The following EYS variants were observed in gnomAD, a reference collection of about 807,000 sequenced individuals.
EYS encodes protein eyes shut homolog.
Under a neutral mutation model 282.1 loss-of-function variants are expected in EYS, and 250 were observed. The ratio of observed to expected loss-of-function variants is 0.89; its 90% CI spans 0.80 to 0.98. The LOEUF (loss-of-function observed/expected upper bound fraction) is 0.98, where lower values mean the gene tolerates loss of function less well. Ranked by LOEUF, EYS falls within the 50% of genes least tolerant of loss-of-function variation. EYS has a pLI of 0.00. For missense variants in EYS, 4,016 were observed against 3,709.0 expected (o/e 1.08, Z -2.15); for synonymous variants, 1,355 against 1,282.9 (o/e 1.06, Z -1.20).
chr6:64,600,002 T>C (rs1206923930), intron 24 of EYS, among the ~76,000 whole-genome samples: 2 of 152,146 alleles, frequency 1.3e-5, no homozygotes, highest in Non-Finnish European at 2.9e-5. Context: ...TACAATCCAG[T>C]GGACTGTTAG....
At chr6:64,966,518 C>G (rs1770100623) in intron 14 of EYS, among the ~76,000 whole-genome samples, 1 of 152,096 alleles carries the variant, frequency 6.6e-6, no homozygotes. Flanking sequence ...AGGACGAAAA[C>G]AGGTTAGGTG....
At chr6:63,958,823 A>C (rs1029576289) in intron 35 of EYS, among the ~76,000 whole-genome samples, 1 of 152,198 alleles carries the variant, frequency 6.6e-6, no homozygotes, top group Admixed American at 6.5e-5. Context: ...GGATCTCTAC[A>C]GCATGGTTTA....
chr6:64,000,536 G>A (rs1264487908), intron 33 of EYS, among the ~76,000 whole-genome samples: 1 of 151,718 alleles, frequency 6.6e-6, no homozygotes, highest in East Asian at 1.9e-4. Flanking sequence ...GTTCCTGGAA[G>A]ACCTGGAGAA....
chr6:64,771,814 G>C lies in EYS; in HGVS notation c.3443+41564C>G, dbSNP rs943139085. On this transcript the variant is annotated intron_variant, in intron 22 of 42. Coordinates refer to ENST00000503581, the MANE Select transcript of EYS (RefSeq NM_001142800.2). ...GAGTTTATTCATGTCTCAAAAGAAGGCTCCCTTTTTGTCTGCTGTATGCAA... is the reference window on the plus strand; with the variant it reads ...GAGTTTATTCATGTCTCAAAAGAAGCCTCCCTTTTTGTCTGCTGTATGCAA... 3.3e-5 allele frequency among the ~76,000 whole-genome samples: 5 copies of C among 151,814 alleles called. No individual in the cohort carries two copies. The South Asian group carries it at 8.3e-4, about 25-fold the overall frequency.
Position 64,147,927 on chromosome 6 carries a change from G to GGT in EYS, c.6425-65926_6425-65925insAC, listed in dbSNP as rs1450439254. The stretch of plus-strand genomic sequence containing the variant: ...AATAAACTTTTGTTTTGTCAAGCCA[G>GGT]TGAGACTTTGGGGTTGCCTGATACC... On this transcript the variant is annotated intron_variant, in intron 31 of 42. Coordinates refer to ENST00000503581, the MANE Select transcript of EYS (RefSeq NM_001142800.2). 3.3e-3 allele frequency among the ~76,000 whole-genome samples: 510 copies of GGT among 152,288 alleles called. 2 individuals carry two copies. The highest frequency in any genetic ancestry group is 4.4e-3 in the Non-Finnish European group (299 of 68,018).
At chr6:64,704,434 A>C (rs1770903078) in intron 22 of EYS, among the ~76,000 whole-genome samples, 1 of 136,870 alleles carries the variant, frequency 7.3e-6, no homozygotes, top group African/African-American at 2.7e-5. Context: ...TATTTCTATA[A>C]TATAATCTAT....
At chr6:63,963,390 C>G (rs569872069) in intron 35 of EYS, among the ~76,000 whole-genome samples, 1 of 152,150 alleles carries the variant, frequency 6.6e-6, no homozygotes, top group East Asian at 1.9e-4. Context: ...TGCATAAATA[C>G]TGTATACAAG....
intron 30 of EYS, among the ~76,000 whole-genome samples, chr6:64,296,968 G>C (rs889312540): frequency 1.3e-5 from 2 of 152,122 alleles, no homozygotes; most frequent in Admixed American, 1.3e-4. Context: ...CAACCTTCCA[G>C]GTGAAGGCTT....
chr6:64,235,735 A>T (rs1051044133), intron 30 of EYS, among the ~76,000 whole-genome samples: 3 of 152,154 alleles, frequency 2.0e-5, no homozygotes, highest in Non-Finnish European at 2.9e-5. Context: ...ATTTCTCCAT[A>T]TCCTCTCCAG....
intron 30 of EYS, among the ~76,000 whole-genome samples, chr6:64,287,643 A>C (rs1403083223): frequency 1.1e-5 from 1 of 87,550 alleles, no homozygotes; most frequent in Non-Finnish European, 2.6e-5. Context: ...TATGGCCACC[A>C]GCAGTGAGTA....
At chr6:65,593,715 TCTCC>T (rs1765309911) in intron 2 of EYS, among the ~76,000 whole-genome samples, 1 of 151,974 alleles carries the variant, frequency 6.6e-6, no homozygotes, top group Admixed American at 6.6e-5. Context: ...ATTTTTTTAT[TCTCC>T]CCATATACCT....
chr6:64,584,251 C>T (rs1766159951), intron 26 of EYS, among the ~76,000 whole-genome samples: 2 of 151,834 alleles, frequency 1.3e-5, no homozygotes, highest in Non-Finnish European at 2.9e-5. Flanking sequence ...AATTAGGTTG[C>T]ATATGTGTGG....
intron 12 of EYS, among the ~76,000 whole-genome samples, chr6:65,075,909 A>C (rs767292022): frequency 7.9e-5 from 12 of 151,926 alleles, no homozygotes; most frequent in Non-Finnish European, 1.5e-4. Context: ...CTCACACCTC[A>C]ATTTTTCCAG....
chr6:65,014,768 A>G (rs942353762), intron 13 of EYS, among the ~76,000 whole-genome samples: 3 of 152,194 alleles, frequency 2.0e-5, no homozygotes, highest in Admixed American at 1.3e-4. Flanking sequence ...CACTCCCTTC[A>G]CTACCTCCCT....
chr6:65,238,928 A>G (rs990114879), intron 12 of EYS, among the ~76,000 whole-genome samples: 1 of 152,088 alleles, frequency 6.6e-6, no homozygotes, highest in Non-Finnish European at 1.5e-5. Context: ...TTACAATCAT[A>G]TTAATATGCT....
rs541824356 is a variant in EYS, at chr6:64,600,317, T to C, written c.3685-7008A>G. On this transcript the variant is annotated intron_variant, in intron 24 of 42. Transcript: ENST00000503581. ...GATTCTGTGTTCTATAAAAGATACA[T>C]AGGATATTTCTCTATGTGGTTATCT... 2.6e-5 allele frequency among the ~76,000 whole-genome samples: 4 copies of C among 152,222 alleles called. No homozygotes were observed. In the East Asian group the frequency reaches 7.7e-4, roughly 29 times the overall value.
intron 31 of EYS, among the ~76,000 whole-genome samples, chr6:64,140,283 C>T (rs1444749976): frequency 1.3e-5 from 2 of 152,012 alleles, no homozygotes; most frequent in Non-Finnish European, 2.9e-5. Flanking sequence ...TAGTGAGAAG[C>T]CCTATATGAT....
chr6:64,548,474 T>C (rs1269772852), intron 26 of EYS, among the ~76,000 whole-genome samples: 2 of 152,170 alleles, frequency 1.3e-5, no homozygotes, highest in East Asian at 3.9e-4. Context: ...GTGACACATA[T>C]ACACCATGGA....
chr6:64,429,853 T>A (rs1395736779), intron 28 of EYS, among the ~76,000 whole-genome samples: 1 of 152,212 alleles, frequency 6.6e-6, no homozygotes, highest in East Asian at 1.9e-4. Flanking sequence ...TCATTTAAAA[T>A]GAAAATCAAT....
Sources: allele counts gnomAD v4.1 joint callset (sites outside exome capture counted in the v4.1 genomes callset), GRCh38; gene constraint gnomAD v4.1.1; transcripts MANE v1.5; gene names NCBI Gene and HGNC (gene_info 2026-07-23, HGNC 2026-07-21).